The following FLT4 variants were observed in gnomAD, a reference collection of about 807,000 sequenced individuals.
FLT4 encodes fms related receptor tyrosine kinase 4.
A neutral mutation model predicts 163.2 loss-of-function variants in FLT4; 30 were observed. The observed-to-expected ratio is 0.18, with a 90% CI of 0.14 to 0.25. The LOEUF (loss-of-function observed/expected upper bound fraction) is 0.25. Among genes scored for constraint, FLT4 ranks in the 10% least tolerant of loss-of-function variants. FLT4 has a pLI of 1.00. For missense variants in FLT4, 1,510 were observed against 1,863.8 expected (o/e 0.81, Z 3.50); for synonymous variants, 884 against 789.5 (o/e 1.12, Z -2.01).
intron 28 of FLT4, 85 bp from the exon 29 acceptor site, chr5:180,609,138 T>C (rs562059592): frequency 2.6e-6 from 3 of 1,156,464 alleles, no homozygotes; most frequent in Non-Finnish European, 2.6e-6. Context: ...AAGTGCGGCA[T>C]GGTCCTGCAG....
chr5:180,622,596 A>C (rs920747776), intron 12 of FLT4, 135 bp downstream of exon 12: 1 of 694,968 alleles, frequency 1.4e-6, no homozygotes, highest in Non-Finnish European at 2.6e-6. Flanking sequence ...CCTTAAATCT[A>C]TTTTTCCTGT....
chr5:180,621,373 G>A lies in FLT4; in HGVS notation c.2021-121C>T, dbSNP rs556243420. The A allele has an allele frequency of 2.1e-5, 30 of 1,413,896 alleles. No homozygotes were observed. In the South Asian group the frequency reaches 2.9e-4, roughly 14 times the overall value. 87.6% of individuals were successfully genotyped at this position (1,413,896 alleles called of 1,614,324 possible). On this transcript the variant is annotated intron_variant, in intron 13 of 29. Coordinates refer to ENST00000261937, the MANE Select transcript of FLT4 (RefSeq NM_182925.5). ...GCTGGACTTAGGGGTTGTGCGCCGG[G>A]CAGGAGCGCGGCGCGCCTCCGCAGG...
chr5:180,601,691 A>C lies in FLT4; in HGVS notation c.*1501T>G, dbSNP rs1203512357. On this transcript the variant is annotated 3_prime_UTR_variant, in exon 30 of 30. Transcript: ENST00000261937. ...GCCAGGCTGGTTCTCTGCAGAGAAC[A>C]ACCTCCAGATCCTCCCAGGGAAGCC... is the stretch of plus-strand genomic sequence containing the variant. 1 of 233,190 alleles carries C rather than the reference A, an allele frequency of 4.3e-6. No individual in the cohort carries two copies. The highest frequency in any genetic ancestry group is 8.5e-6 in the Non-Finnish European group (1 of 118,084). 14.4% of individuals were successfully genotyped at this position (233,190 alleles called of 1,614,324 possible). A position where few individuals can be genotyped will look rare whatever the true frequency, so the allele number is the denominator to read the frequency against.
intron 29 of FLT4, among the ~76,000 whole-genome samples, chr5:180,603,879 G>A (rs1761649449): frequency 6.6e-6 from 1 of 150,644 alleles, no homozygotes; most frequent in Non-Finnish European, 1.5e-5. Context: ...ACTCCAGCCT[G>A]GGCGACAGAG....
In FLT4 at chr5:180,626,214, C is replaced by T. The variant is rs773917351; in HGVS notation, c.1155G>A (p.Val385=). 1.2e-5 allele frequency: 19 copies of T among 1,612,738 alleles called. No individual in the cohort carries two copies. Among genetic ancestry groups the T allele is most frequent in the Non-Finnish European group, 1.3e-5 (15 of 1,180,016 alleles). ...LSGRHSPHAL[V]LKEVTEASTG... is the part of the protein sequence containing the mutation. ...TGCTGGCCTCTGTCACCTCCTTGAG[C>T]ACCAGGGCATGTGGACTGTGGCGCC... is the stretch of plus-strand genomic sequence containing the variant. Residue 385 remains valine, a synonymous_variant, in exon 9 of 30, where the codon GTG becomes GTA. Coordinates refer to ENST00000261937, the MANE Select transcript of FLT4 (RefSeq NM_182925.5).
At chr5:180,616,586 G>T in intron 22 of FLT4, 97 bp from the exon 23 acceptor site, 1 of 1,363,986 alleles carries the variant, frequency 7.3e-7, no homozygotes, top group Non-Finnish European at 1.0e-6. Context: ...TGGGGACCAT[G>T]GGGATGCCCT....
chr5:180,649,581 C>T lies in FLT4; in HGVS notation c.-36G>A, dbSNP rs1765649024. 7.4e-6 allele frequency: 10 copies of T among 1,342,960 alleles called. No individual in the cohort carries two copies. Among genetic ancestry groups the T allele is most frequent in the Non-Finnish European group, 9.6e-6 (10 of 1,039,742 alleles). 83.2% of individuals were successfully genotyped at this position (1,342,960 alleles called of 1,614,324 possible). On this transcript the variant is annotated 5_prime_UTR_variant, in exon 1 of 30. Transcript: ENST00000261937. Reference sequence around the variant, plus strand: ...TGCGCGTGGGTCCGACCCGAGCGGCCGCGGCTCGGGGCTGAAAGTGTCCGC... The same window carrying T: ...TGCGCGTGGGTCCGACCCGAGCGGCTGCGGCTCGGGGCTGAAAGTGTCCGC...
At chr5:180,621,463 C>A in intron 13 of FLT4, 79 bp downstream of exon 13, 2 of 1,567,816 alleles carry the variant, frequency 1.3e-6, no homozygotes, top group Middle Eastern at 2.2e-4. Context: ...CTCCCAGGGG[C>A]GAGCCACGCC....
At chr5:180,609,800 G>A in intron 28 of FLT4, 105 bp downstream of exon 28, 1 of 1,409,516 alleles carries the variant, frequency 7.1e-7, no homozygotes, top group Non-Finnish European at 1.0e-6. Flanking sequence ...TCAAAGGACA[G>A]TCGTTGGGTT....
At chr5:180,639,425 G>A (rs895037515) in intron 1 of FLT4, among the ~76,000 whole-genome samples, 8 of 151,872 alleles carry the variant, frequency 5.3e-5, no homozygotes, top group Middle Eastern at 3.4e-3. Flanking sequence ...ATAAAAAGAT[G>A]GATCAACAGA....
At chr5:180,612,890 G>T (rs899159478) in intron 25 of FLT4, 121 bp downstream of exon 25, 2 of 750,372 alleles carry the variant, frequency 2.7e-6, no homozygotes, top group Non-Finnish European at 4.6e-6. Flanking sequence ...GTATCTTGAG[G>T]GTGGTGCCCA....
rs756305061 is a variant in FLT4, at chr5:180,614,185, G to A, written c.3220-6C>T. ...CACTTCAGGGGCAGCCGGGCCTGGG[G>A]AGACAGAGGGAAGCTTGTCCCGTGG... On this transcript the variant is annotated splice_polypyrimidine_tract_variant and splice_region_variant and intron_variant, in intron 23 of 29. Transcript: ENST00000261937. The A allele has an allele frequency of 6.3e-7, 1 of 1,595,316 alleles. No individual in the cohort carries two copies. Among genetic ancestry groups the A allele is most frequent in the Non-Finnish European group, 8.6e-7 (1 of 1,166,060 alleles).
rs2242219 is a variant in FLT4, at chr5:180,609,871, C to G, written c.3807+34G>C. ...CCCTGAGGCGGCCCCAGCCCTGAGCCGAGAGCGCAGCCCCCACCCTTCATG... is the reference window on the plus strand; with the variant it reads ...CCCTGAGGCGGCCCCAGCCCTGAGCGGAGAGCGCAGCCCCCACCCTTCATG... On this transcript the variant is annotated intron_variant, in intron 28 of 29. Transcript: ENST00000261937. 0.061 allele frequency: 98,386 copies of G among 1,613,224 alleles called. 3,693 individuals are homozygous for G. Among genetic ancestry groups the G allele is most frequent in the East Asian group, 0.15 (6,678 of 44,854 alleles).
intron 1 of FLT4, among the ~76,000 whole-genome samples, chr5:180,642,375 A>C (rs536339989): frequency 6.6e-6 from 1 of 152,138 alleles, no homozygotes; most frequent in East Asian, 1.9e-4. Context: ...TGTGAGCTGA[A>C]AGGGGCATTG....
upstream of FLT4, among the ~76,000 whole-genome samples, chr5:180,649,870 TGCGGCAC>T (rs1765661160): frequency 6.6e-6 from 1 of 151,946 alleles, no homozygotes; most frequent in Non-Finnish European, 1.5e-5. Flanking sequence ...GGGAGCAAAA[TGCGGCAC>T]GCGCTCTTTT....
At chr5:180,610,123 A>G in intron 27 of FLT4, 98 bp from the exon 28 acceptor site, 1 of 1,571,174 alleles carries the variant, frequency 6.4e-7, no homozygotes, top group Non-Finnish European at 8.7e-7. Flanking sequence ...CCTGGAAAGG[A>G]CCCCCCGCCT....
rs995070641 is a variant in FLT4 at position 180,601,826 on chromosome 5, G to T, written c.*1366C>A. 1.3e-5 allele frequency: 3 copies of T among 232,898 alleles called. No individual in the cohort carries two copies. Among genetic ancestry groups the T allele is most frequent in the Non-Finnish European group, 2.5e-5 (3 of 118,162 alleles). The allele number at this position is 232,898 out of a possible 1,614,324, so 14.4% of individuals were successfully genotyped here. A position where few individuals can be genotyped will look rare whatever the true frequency, so the allele number is the denominator to read the frequency against. Reference sequence around the variant, plus strand: ...GGCATATCCTGGAGTAACGCGCAGTGGGGGAGGTGGGGAGGGGAGGGTCGG... The same window carrying T: ...GGCATATCCTGGAGTAACGCGCAGTTGGGGAGGTGGGGAGGGGAGGGTCGG... On this transcript the variant is annotated 3_prime_UTR_variant, in exon 30 of 30. Coordinates refer to ENST00000261937, the MANE Select transcript of FLT4 (RefSeq NM_182925.5).
At chr5:180,611,596 G>T in intron 26 of FLT4, 117 bp from the exon 27 acceptor site, 1 of 1,014,316 alleles carries the variant, frequency 9.9e-7, no homozygotes, top group East Asian at 2.8e-5. Flanking sequence ...CTCAGCCCTC[G>T]CCCCCGCACT....
At chr5:180,618,605 A>ATCTGTG (rs1762857533) in intron 21 of FLT4, among the ~76,000 whole-genome samples, 165 bp downstream of exon 21, 1 of 152,244 alleles carries the variant, frequency 6.6e-6, no homozygotes, top group Non-Finnish European at 1.5e-5. Context: ...ATCGTAAAAC[A>ATCTGTG]TCTGTGTGAA....
Sources: allele counts gnomAD v4.1 joint callset (sites outside exome capture counted in the v4.1 genomes callset), GRCh38; gene constraint gnomAD v4.1.1; transcripts MANE v1.5; gene names NCBI Gene and HGNC (gene_info 2026-07-23, HGNC 2026-07-21).